The following CACHD1 variants were observed in gnomAD, a reference collection of about 807,000 sequenced individuals.
CACHD1 encodes the protein VWFA and cache domain-containing protein 1.
A neutral mutation model predicts 138.7 loss-of-function variants in CACHD1; 71 were observed. That is an observed-to-expected ratio of 0.51 (90% confidence interval 0.42 to 0.62). The LOEUF is 0.62. Among genes scored for constraint, CACHD1 ranks in the 20% least tolerant of loss-of-function variants. CACHD1 has a pLI of 0.00. For missense variants in CACHD1, 1,389 were observed against 1,625.3 expected (o/e 0.85, Z 2.50); for synonymous variants, 578 against 591.5 (o/e 0.98, Z 0.33).
intron 4 of CACHD1, among the ~76,000 whole-genome samples, chr1:64,616,339 G>T (rs1647706661): frequency 6.6e-6 from 1 of 152,114 alleles, no homozygotes; most frequent in African/African-American, 2.4e-5. Context: ...CCAAGATAAT[G>T]AAGTGTATTG....
At chr1:64,518,364 C>A (rs1181579122) in intron 1 of CACHD1, among the ~76,000 whole-genome samples, 1 of 152,052 alleles carries the variant, frequency 6.6e-6, no homozygotes, top group Non-Finnish European at 1.5e-5. Flanking sequence ...TATACATGTG[C>A]CATGGTGGTT....
chr1:64,523,614 T>G (rs1330525704), intron 1 of CACHD1, among the ~76,000 whole-genome samples: 1 of 152,178 alleles, frequency 6.6e-6, no homozygotes, highest in Non-Finnish European at 1.5e-5. Flanking sequence ...ACAGTGCCGT[T>G]TTTCCTTCAT....
chr1:64,587,583 A>G (rs758559750), intron 3 of CACHD1, among the ~76,000 whole-genome samples: 2 of 152,228 alleles, frequency 1.3e-5, no homozygotes, highest in Non-Finnish European at 2.9e-5. Context: ...TACTCTGTCA[A>G]TGTTTGTTGT....
chr1:64,562,696 C>T (rs1284165266), intron 2 of CACHD1, among the ~76,000 whole-genome samples: 1 of 151,838 alleles, frequency 6.6e-6, no homozygotes, highest in Non-Finnish European at 1.5e-5. Context: ...GCTGGGATTA[C>T]AGGAGTGAGC....
In CACHD1 at chr1:64,530,512, G is replaced by GT. The variant is rs886867828; in HGVS notation, c.199-20072dup. Among the ~76,000 whole-genome samples, 469 of 149,686 alleles carry GT rather than the reference G, an allele frequency of 3.1e-3. 3 individuals carry two copies. The highest frequency in any genetic ancestry group is 9.2e-3 in the African/African-American group (378 of 40,878). On this transcript the variant is annotated intron_variant, in intron 1 of 26. Transcript: ENST00000651257. Reference sequence around the variant, plus strand: ...CTTATTTACCTGGTCATGGTGAAGAGTTTTTTTTTTCTTTTGTTTTTTGGC... The same window carrying GT: ...CTTATTTACCTGGTCATGGTGAAGAGTTTTTTTTTTTCTTTTGTTTTTTGGC...
At chr1:64,531,494 G>A (rs1157466419) in intron 1 of CACHD1, among the ~76,000 whole-genome samples, 2 of 77,874 alleles carry the variant, frequency 2.6e-5, no homozygotes, top group African/African-American at 1.0e-4. Flanking sequence ...AATGAATGTG[G>A]TTGTGTGTGT....
At chr1:64,686,812 C>T (rs1448937028) in intron 26 of CACHD1, among the ~76,000 whole-genome samples, 1 of 152,148 alleles carries the variant, frequency 6.6e-6, no homozygotes, top group Non-Finnish European at 1.5e-5. Flanking sequence ...TTCCAAAATA[C>T]TTAAAAAGCA....
At chr1:64,646,227 T>G (rs1305917678) in intron 8 of CACHD1, among the ~76,000 whole-genome samples, 1 of 152,130 alleles carries the variant, frequency 6.6e-6, no homozygotes, top group Non-Finnish European at 1.5e-5. Context: ...TGTGAGCTTC[T>G]CAAGGATATA....
At chr1:64,566,247 C>T (rs1395960634) in intron 2 of CACHD1, among the ~76,000 whole-genome samples, 2 of 152,120 alleles carry the variant, frequency 1.3e-5, no homozygotes, top group Non-Finnish European at 2.9e-5. Context: ...TGTTCCATGT[C>T]TTGATGTGCC....
chr1:64,604,841 T>G (rs1292186306), intron 4 of CACHD1, among the ~76,000 whole-genome samples: 2 of 151,840 alleles, frequency 1.3e-5, no homozygotes, highest in Non-Finnish European at 2.9e-5. Context: ...TTTGTGGAGA[T>G]GGGGTTTCAC....
chr1:64,518,706 A>G (rs1266482990), intron 1 of CACHD1, among the ~76,000 whole-genome samples: 1 of 152,202 alleles, frequency 6.6e-6, no homozygotes, highest in African/African-American at 2.4e-5. Context: ...AGTAAGGTAT[A>G]TAGATGGCTA....
At chr1:64,685,084 C>T (rs1650323587) in intron 26 of CACHD1, among the ~76,000 whole-genome samples, 1 of 152,206 alleles carries the variant, frequency 6.6e-6, no homozygotes, top group Non-Finnish European at 1.5e-5. Flanking sequence ...GTTGAGATTA[C>T]AGGCGTGAGC....
rs753371740 is a variant in CACHD1, at chr1:64,653,785, C to G, written c.1568C>G (p.Thr523Ser). 1.2e-6 allele frequency: 2 copies of G among 1,613,242 alleles called. No individual in the cohort carries two copies. Among genetic ancestry groups the G allele is most frequent in the Admixed American group, 3.3e-5 (2 of 59,994 alleles). ...KGYTLMHPSL[T>S]RPYLLSEPPL... is the part of the protein sequence containing the mutation. ...TATACACTTATGCACCCATCTCTTA[C>G]CAGGCCATATTTATTGTCAGAGCCC... Residue 523 changes from threonine (T) to serine (S), a missense_variant, in exon 11 of 27, where the codon ACC becomes AGC. Transcript: ENST00000651257.
rs547973030 is a variant in CACHD1 at position 64,472,301 on chromosome 1, CTCT to C, written c.198+1364_198+1366del. Among the ~76,000 whole-genome samples the C allele has an allele frequency of 8.2e-3, 1,240 of 151,488 alleles. 18 individuals carry two copies. Among genetic ancestry groups the C allele is most frequent in the African/African-American group, 0.029 (1,191 of 41,244 alleles). The stretch of plus-strand genomic sequence containing the variant: ...TTCTTTTCTTTTTCCTTCTTCCTTC[CTCT>C]TCTTTCCACTTCCCCACACCAATCT... On this transcript the variant is annotated intron_variant, in intron 1 of 26. Coordinates refer to ENST00000651257, the MANE Select transcript of CACHD1 (RefSeq NM_020925.4).
At chr1:64,483,430 C>T (rs1161589540) in intron 1 of CACHD1, among the ~76,000 whole-genome samples, 1 of 152,078 alleles carries the variant, frequency 6.6e-6, no homozygotes, top group Non-Finnish European at 1.5e-5. Flanking sequence ...TTGGTTCCTA[C>T]TCTTATGAAA....
chr1:64,624,222 G>A (rs1166454000), intron 4 of CACHD1, among the ~76,000 whole-genome samples: 1 of 152,222 alleles, frequency 6.6e-6, no homozygotes, highest in African/African-American at 2.4e-5. Context: ...AGGAGAATTG[G>A]AGAAACCTTG....
At chr1:64,613,637 ACT>A (rs1491192145) in intron 4 of CACHD1, 2 of 150,000 alleles carry the variant, frequency 1.3e-5, no homozygotes, top group African/African-American at 2.5e-5. Context: ...CTTTTTTGAA[ACT>A]CTCTTATCAT....
In CACHD1 at chr1:64,470,748, G is replaced by C. The variant is rs1341152118; in HGVS notation, c.4G>C (p.Ala2Pro). The change falls in exon 1 of 27, where the codon GCC becomes CCC. Residue 2 changes from alanine (A) to proline (P), a missense_variant. Ala to Pro is a conservative substitution (Grantham distance 27, BLOSUM62 -1). Coordinates refer to ENST00000651257, the MANE Select transcript of CACHD1 (RefSeq NM_020925.4). The surrounding 1 kb of genome is among the most constrained non-coding windows in gnomAD (Gnocchi z 5.2). The part of the protein sequence containing the change: M[A>P]RQPEEEETAV... ...GCGGGGAGTGGGGGGAGGCAGCATG[G>C]CCCGCCAGCCGGAGGAAGAGGAGAC... The C allele has an allele frequency of 1.5e-6, 1 of 684,478 alleles. No individual in the cohort carries two copies. The highest frequency in any genetic ancestry group is 2.3e-6 in the Non-Finnish European group (1 of 432,538). The allele number at this position is 684,478 out of a possible 1,614,324, so 42.4% of individuals were successfully genotyped here. A position where few individuals can be genotyped will look rare whatever the true frequency, so the allele number is the denominator to read the frequency against.
Position 64,673,095 on chromosome 1 carries a change from A to G in CACHD1, c.2511-63A>G, listed in dbSNP as rs1176242300. The G allele has an allele frequency of 1.6e-4, 210 of 1,299,902 alleles. 3 individuals are homozygous for G. In the South Asian group the frequency reaches 2.4e-3, roughly 15 times the overall value. The allele number at this position is 1,299,902 out of a possible 1,614,324, so 80.5% of individuals were successfully genotyped here. A position where few individuals can be genotyped will look rare whatever the true frequency, so the allele number is the denominator to read the frequency against. On this transcript the variant is annotated intron_variant, in intron 17 of 26. Transcript: ENST00000651257. ...GGGCTAGCAAGATAAATGCTCTCTG[A>G]ATACGTTTGAAAAAAAAAAAAACAG...
Sources: allele counts gnomAD v4.1 joint callset (sites outside exome capture counted in the v4.1 genomes callset), GRCh38; gene constraint gnomAD v4.1.1; non-coding constraint Gnocchi (gnomAD v3.1); transcripts MANE v1.5; gene names NCBI Gene and HGNC (gene_info 2026-07-23, HGNC 2026-07-21).